The following PIK3C2G variants were observed in gnomAD, a reference collection of about 807,000 sequenced individuals.
PIK3C2G encodes phosphatidylinositol-4-phosphate 3-kinase catalytic subunit type 2 gamma, also known as phosphatidylinositol 3-kinase C2 domain-containing subunit gamma.
PIK3C2G carries 168 observed loss-of-function variants against 181.1 expected under a neutral mutation model. The observed-to-expected ratio is 0.93, with a 90% CI of 0.82 to 1.05. PIK3C2G has a LOEUF of 1.05. Among genes scored for constraint, PIK3C2G ranks in the 50% least tolerant of loss-of-function variants. PIK3C2G has a pLI of 0.00. For synonymous variants in PIK3C2G, 573 were observed against 592.2 expected (o/e 0.97, Z 0.47); for missense variants, 1,869 against 1,732.8 (o/e 1.08, Z -1.40).
chr12:18,401,116 C>T (rs1944229159), intron 16 of PIK3C2G, among the ~76,000 whole-genome samples: 1 of 152,066 alleles, frequency 6.6e-6, no homozygotes, highest in South Asian at 2.1e-4. Context: ...CAGATCATCT[C>T]AATGTTTCTG....
intron 14 of PIK3C2G, among the ~76,000 whole-genome samples, chr12:18,382,584 T>A (rs1296962052): frequency 6.6e-6 from 1 of 151,498 alleles, no homozygotes; most frequent in African/African-American, 2.4e-5. Context: ...TAGAACAGAG[T>A]TTTTCAGCTT....
intron 24 of PIK3C2G, among the ~76,000 whole-genome samples, chr12:18,521,722 C>T (rs189441783): frequency 6.6e-5 from 10 of 152,344 alleles, no homozygotes; most frequent in Admixed American, 2.0e-4. Context: ...CCAGTGTCGA[C>T]TGCCGCCTTT....
At chr12:18,426,914 A>G (rs1486583762) in intron 18 of PIK3C2G, among the ~76,000 whole-genome samples, 1 of 152,214 alleles carries the variant, frequency 6.6e-6, no homozygotes, top group East Asian at 1.9e-4. Context: ...GACTGGCATG[A>G]GGCCCTTCCA....
At chr12:18,335,010 T>C (rs1266560560) in intron 8 of PIK3C2G, among the ~76,000 whole-genome samples, 1 of 152,102 alleles carries the variant, frequency 6.6e-6, no homozygotes, top group Non-Finnish European at 1.5e-5. Flanking sequence ...CTATGAGTAG[T>C]ATAAATTAAT....
chr12:18,602,644 A>G (rs1565552212), intron 30 of PIK3C2G, among the ~76,000 whole-genome samples: 2 of 152,022 alleles, frequency 1.3e-5, no homozygotes, highest in African/African-American at 2.4e-5. Context: ...CACCTCACCA[A>G]AACAGATGCT....
intron 16 of PIK3C2G, among the ~76,000 whole-genome samples, chr12:18,414,451 A>G (rs1426940006): frequency 6.6e-6 from 1 of 152,158 alleles, no homozygotes; most frequent in East Asian, 1.9e-4. Context: ...AGAGACATAT[A>G]CATATTTTAA....
chr12:18,452,110 CT>C (rs1404223208), intron 18 of PIK3C2G, among the ~76,000 whole-genome samples: 1 of 152,174 alleles, frequency 6.6e-6, no homozygotes, highest in Non-Finnish European at 1.5e-5. Flanking sequence ...AGGAGTCCCT[CT>C]TTTTCTATTG....
At position 18,386,319 on chromosome 12, in the gene PIK3C2G, C is replaced by G. The variant is rs140953642; in HGVS notation, c.1995+4439C>G. On this transcript the variant is annotated intron_variant, in intron 14 of 32. Coordinates refer to ENST00000538779, the MANE Select transcript of PIK3C2G (RefSeq NM_001288772.2). ...TAATTCACATACCATACTATCCTCC[C>G]ATTTAAAGTGTGCGATTCAGTAGTT... 3.9e-3 allele frequency among the ~76,000 whole-genome samples: 595 copies of G among 152,314 alleles called. 4 individuals carry two copies. The highest frequency in any genetic ancestry group is 0.013 in the African/African-American group (551 of 41,570).
chr12:18,709,290 C>G, the PIK3C2G span, among the ~76,000 whole-genome samples: 120 of 152,000 alleles, frequency 7.9e-4, no homozygotes, highest in African/African-American at 2.8e-3. Context: ...ACCATTTTGT[C>G]TTCTTGGTCT....
At chr12:18,424,455 G>A (rs145259689) in intron 18 of PIK3C2G, among the ~76,000 whole-genome samples, 1 of 152,274 alleles carries the variant, frequency 6.6e-6, no homozygotes, top group Non-Finnish European at 1.5e-5. Context: ...AAAGGCTAAT[G>A]TATACTCATT....
chr12:18,472,849 G>A (rs529448370), intron 18 of PIK3C2G, among the ~76,000 whole-genome samples: 169 of 151,996 alleles, frequency 1.1e-3, no homozygotes, highest in African/African-American at 3.5e-3. Flanking sequence ...ACAGGCACCC[G>A]CCACCACGCC....
chr12:18,491,796 G>GA lies in PIK3C2G; in HGVS notation c.2793+251dup, dbSNP rs572953243. 4.2e-3 allele frequency among the ~76,000 whole-genome samples: 583 copies of GA among 139,628 alleles called. 2 individuals carry two copies. Among genetic ancestry groups the GA allele is most frequent in the African/African-American group, 4.8e-3 (183 of 38,196 alleles). The allele number at this position is 139,628 out of a possible 152,430, so 91.6% of individuals were successfully genotyped here. On this transcript the variant is annotated intron_variant, in intron 20 of 32. Transcript: ENST00000538779. ...GAAACAAACTATCCATCAGTTCAGT[G>GA]AAAAAAAAAAAAATAGAGGAACATA...
At position 18,381,780 on chromosome 12, in the gene PIK3C2G, G is replaced by C. The variant is rs757571836; in HGVS notation, c.1895G>C (p.Gly632Ala). The C allele has an allele frequency of 9.3e-6, 15 of 1,609,322 alleles. No individual in the cohort carries two copies. Among genetic ancestry groups the C allele is most frequent in the Non-Finnish European group, 1.3e-5 (15 of 1,175,982 alleles). ...PLFPKEKSIL[G>A]SMLFSMTLQS... is the part of the protein sequence containing the mutation. Reference sequence around the variant, plus strand: ...GTCTTTTGCAGAAAATCCATTCTCGGGTCTATGCTGTTCAGCATGACATTA... The same window carrying C: ...GTCTTTTGCAGAAAATCCATTCTCGCGTCTATGCTGTTCAGCATGACATTA... The change falls in exon 14 of 33, where the codon GGG becomes GCG. Residue 632 changes from glycine to alanine, a missense_variant. By Grantham distance (60) the Gly-to-Ala change is moderately conservative. Coordinates refer to ENST00000538779, the MANE Select transcript of PIK3C2G (RefSeq NM_001288772.2).
chr12:18,392,901 C>G (rs1315430613), intron 15 of PIK3C2G, among the ~76,000 whole-genome samples: 1 of 152,028 alleles, frequency 6.6e-6, no homozygotes, highest in Non-Finnish European at 1.5e-5. Context: ...ACAGAAAATT[C>G]TCATAGTCTT....
At chr12:18,694,856 C>T in the PIK3C2G span, 1 of 1,329,566 alleles carries the variant, frequency 7.5e-7, no homozygotes, top group Admixed American at 2.1e-5. Context: ...CTAATGTACA[C>T]TATCTAGTTT....
intron 24 of PIK3C2G, among the ~76,000 whole-genome samples, chr12:18,508,704 T>C (rs1345883855): frequency 1.3e-5 from 2 of 152,114 alleles, no homozygotes; most frequent in African/African-American, 4.8e-5. Context: ...AGCAGTAGGA[T>C]ATAAATAACT....
chr12:18,594,369 T>A (rs1472042599), intron 29 of PIK3C2G, 125 bp from the exon 30 acceptor site: 1 of 568,334 alleles, frequency 1.8e-6, no homozygotes, highest in Admixed American at 4.1e-5. Context: ...ATACTTTCTC[T>A]CTATTTGTAG....
intron 13 of PIK3C2G, among the ~76,000 whole-genome samples, chr12:18,378,492 G>T (rs1032674983): frequency 1.3e-5 from 2 of 152,100 alleles, no homozygotes; most frequent in Non-Finnish European, 2.9e-5. Flanking sequence ...AAAAGCAATG[G>T]CAACAAAAGC....
intron 8 of PIK3C2G, among the ~76,000 whole-genome samples, chr12:18,329,457 A>G (rs1358505148): frequency 6.6e-6 from 1 of 151,998 alleles, no homozygotes; most frequent in Admixed American, 6.6e-5. Flanking sequence ...TTTCATCACC[A>G]AAGTTTGCAT....
Sources: allele counts gnomAD v4.1 joint callset (sites outside exome capture counted in the v4.1 genomes callset), GRCh38; gene constraint gnomAD v4.1.1; transcripts MANE v1.5; gene names NCBI Gene and HGNC (gene_info 2026-07-23, HGNC 2026-07-21).